The following CENPK variants were observed in gnomAD, a reference collection of about 807,000 sequenced individuals.
CENPK encodes centromere protein K.
A neutral mutation model predicts 40.9 loss-of-function variants in CENPK; 46 were observed. The observed-to-expected ratio is 1.13, with a 90% CI of 0.89 to 1.44. The LOEUF is 1.44. CENPK is among the 40% of genes most tolerant of loss of function. CENPK has a pLI of 0.00. For missense variants in CENPK, 288 were observed against 303.5 expected, an observed-to-expected ratio of 0.95 and a Z score of 0.38; for synonymous variants, 107 against 104.4, an observed-to-expected ratio of 1.02 and a Z score of -0.15.
At chr5:65,505,747 T>C in the CENPK span, among the ~76,000 whole-genome samples, 1 of 152,250 alleles carries the variant, frequency 6.6e-6, no homozygotes, top group East Asian at 1.9e-4. Context: ...GACTTCTGTT[T>C]TTCTCCATTC....
intron 5 of CENPK, among the ~76,000 whole-genome samples, chr5:65,546,329 G>A (rs11746096): frequency 0.61 from 91,486 of 151,018 alleles, 28,302 homozygotes; most frequent in East Asian, 0.8. Flanking sequence ...CAAATATGCT[G>A]TATGTGCAAA....
chr5:65,557,245 G>T (rs1244398626), intron 2 of CENPK, among the ~76,000 whole-genome samples: 2 of 152,146 alleles, frequency 1.3e-5, no homozygotes, highest in Admixed American at 1.3e-4. Context: ...ACAGAGAATT[G>T]ACAATTTATT....
At position 65,528,976 on chromosome 5, in the gene CENPK, G is replaced by C; in HGVS notation, c.413C>G (p.Ser138Cys). The C allele has an allele frequency of 6.2e-7, 1 of 1,610,672 alleles. No individual in the cohort carries two copies. Among genetic ancestry groups the C allele is most frequent in the Non-Finnish European group, 8.5e-7 (1 of 1,177,838 alleles). ...WLDEQQQIME[S>C]LNVLHSELKN... ...CAATTCACTGTGTAGTACATTAAGA[G>C]ATTCCATTATCTGTTGCTGTTCATC... The change falls in exon 8 of 11, where the codon TCT becomes TGT. Residue 138 changes from serine (S) to cysteine (C), a missense_variant. Transcript: ENST00000396679.
chr5:65,536,883 A>G (rs1456847808), intron 6 of CENPK, among the ~76,000 whole-genome samples: 2 of 152,082 alleles, frequency 1.3e-5, no homozygotes, highest in African/African-American at 4.8e-5. Flanking sequence ...CAGTGTTAAG[A>G]GGTAGGGTCT....
At chr5:65,507,216 G>A in the CENPK span, among the ~76,000 whole-genome samples, 1 of 152,008 alleles carries the variant, frequency 6.6e-6, no homozygotes, top group Non-Finnish European at 1.5e-5. Context: ...ACCAGAACAA[G>A]AGAAGCCACT....
chr5:65,517,650 G>C (rs1253404656), downstream of CENPK: 1 of 152,090 alleles, frequency 6.6e-6, no homozygotes, highest in Non-Finnish European at 1.5e-5. Context: ...ATACTAAATG[G>C]ATTTAGGATT....
intron 6 of CENPK, among the ~76,000 whole-genome samples, chr5:65,535,977 G>A (rs75481269): frequency 2.6e-5 from 4 of 152,176 alleles, no homozygotes; most frequent in Non-Finnish European, 4.4e-5. Context: ...GCTGCACTGC[G>A]ATAAGTTACT....
At chr5:65,504,063 A>T in the CENPK span, among the ~76,000 whole-genome samples, 2 of 152,088 alleles carry the variant, frequency 1.3e-5, no homozygotes, top group Non-Finnish European at 2.9e-5. Context: ...TCATTATACT[A>T]AGTATGAATA....
chr5:65,503,260 C>G, the CENPK span, among the ~76,000 whole-genome samples: 1 of 152,006 alleles, frequency 6.6e-6, no homozygotes, highest in Non-Finnish European at 1.5e-5. Context: ...GCACACACCA[C>G]CATGCCCAGC....
At chr5:65,559,401 G>C (rs113339851) in intron 2 of CENPK, among the ~76,000 whole-genome samples, 1 of 151,960 alleles carries the variant, frequency 6.6e-6, no homozygotes, top group Non-Finnish European at 1.5e-5. Flanking sequence ...AGGCCGAGGC[G>C]GGCGGATCAC....
At chr5:65,540,664 G>T (rs1373311460) in intron 6 of CENPK, among the ~76,000 whole-genome samples, 1 of 152,088 alleles carries the variant, frequency 6.6e-6, no homozygotes, top group African/African-American at 2.4e-5. Flanking sequence ...AACCCCAAAA[G>T]AACTGGGTTT....
In CENPK at chr5:65,518,506, G is replaced by T. The variant is rs762026997; in HGVS notation, c.779C>A (p.Thr260Asn). 6.2e-7 allele frequency: 1 copy of T among 1,612,484 alleles called. No individual in the cohort carries two copies. The highest frequency in any genetic ancestry group is 1.7e-5 in the Admixed American group (1 of 59,520). Residue 260 changes from threonine (T) to asparagine (N), a missense_variant, in exon 11 of 11, where the codon ACC becomes AAC. Physicochemically the swap from Thr to Asn is moderately conservative, Grantham distance 65. Transcript: ENST00000396679. ...ATGGAAAGCTTCTAATCTTATTCGG[G>T]TTGGATCTTCTGGATGTCTCAAGGC... ...GIALRHPEDP[T>N]RIRLEAFHQ
chr5:65,548,413 T>A (rs1749391440), intron 5 of CENPK, among the ~76,000 whole-genome samples: 1 of 152,174 alleles, frequency 6.6e-6, no homozygotes, highest in Admixed American at 6.5e-5. Context: ...TCAGTGTTAA[T>A]GGCTGATGAC....
At chr5:65,558,409 G>C (rs891501773) in intron 2 of CENPK, among the ~76,000 whole-genome samples, 11 of 152,154 alleles carry the variant, frequency 7.2e-5, no homozygotes, top group Non-Finnish European at 1.3e-4. Context: ...TTTAATGGGA[G>C]GGTCATCAGA....
At chr5:65,533,446 G>A (rs143160384) in intron 6 of CENPK, among the ~76,000 whole-genome samples, 5 of 152,116 alleles carry the variant, frequency 3.3e-5, no homozygotes, top group East Asian at 3.9e-4. Flanking sequence ...AAGTGTCTAC[G>A]AAAAACCTAC....
downstream of CENPK, among the ~76,000 whole-genome samples, chr5:65,516,951 T>C (rs955170483): frequency 6.6e-6 from 1 of 152,118 alleles, no homozygotes; most frequent in East Asian, 1.9e-4. Context: ...ATTACTTTTT[T>C]TTTTTCTTTT....
chr5:65,553,931 C>A (rs557126072), intron 3 of CENPK, among the ~76,000 whole-genome samples: 1 of 152,316 alleles, frequency 6.6e-6, no homozygotes, highest in Non-Finnish European at 1.5e-5. Context: ...CCCCATAGTA[C>A]ACACTCAACA....
At chr5:65,547,389 T>A (rs775841099) in intron 5 of CENPK, among the ~76,000 whole-genome samples, 95 of 66,202 alleles carry the variant, frequency 1.4e-3, no homozygotes, top group Non-Finnish European at 2.7e-3. Flanking sequence ...TAAGACTGTC[T>A]CAAAAAAAAA....
chr5:65,504,847 C>T, the CENPK span, among the ~76,000 whole-genome samples: 103,677 of 152,014 alleles, frequency 0.68, 35,905 homozygotes, highest in East Asian at 0.89. Flanking sequence ...TTAACTTTTC[C>T]TCTGGTTGAA....
Sources: gnomAD v4.1 joint callset for allele counts (sites outside exome capture counted in the v4.1 genomes callset) on GRCh38, gnomAD v4.1.1 for gene constraint, MANE v1.5 for transcripts, NCBI Gene and HGNC (gene_info 2026-07-23, HGNC 2026-07-21) for gene names.